SLC37A1: variants seen among roughly 807,000 people sequenced by gnomAD.
The protein encoded by SLC37A1 is solute carrier family 37 member 1.
Under a neutral mutation model 75.3 loss-of-function variants are expected in SLC37A1, and 49 were observed. The observed-to-expected ratio is 0.65, with a 90% CI of 0.52 to 0.83. SLC37A1 has a LOEUF of 0.83. Ranked by LOEUF, SLC37A1 falls within the 40% of genes least tolerant of loss-of-function variation. The pLI is 0.00. For missense variants in SLC37A1, 566 were observed against 695.0 expected (o/e 0.81, Z 2.09); for synonymous variants, 268 against 292.1 (o/e 0.92, Z 0.84).
intron 1 of SLC37A1, among the ~76,000 whole-genome samples, chr21:42,517,096 C>A (rs1317582257): frequency 2.0e-5 from 3 of 152,218 alleles, no homozygotes; most frequent in Non-Finnish European, 4.4e-5. Flanking sequence ...CCCGGGCCTT[C>A]CTCTTTTGAA....
chr21:42,574,027 A>G (rs1219836129), intron 17 of SLC37A1, among the ~76,000 whole-genome samples: 1 of 152,014 alleles, frequency 6.6e-6, no homozygotes, highest in Non-Finnish European at 1.5e-5. Flanking sequence ...GTGTTTTTAC[A>G]CACACACATG....
intron 11 of SLC37A1, 136 bp downstream of exon 11, chr21:42,559,225 A>G: frequency 2.7e-6 from 3 of 1,116,918 alleles, no homozygotes; most frequent in Non-Finnish European, 2.5e-6. Context: ...AGCCAAAGCT[A>G]GACGCTGCAC....
chr21:42,549,548 T>C (rs1276230998), intron 9 of SLC37A1, among the ~76,000 whole-genome samples: 5 of 152,222 alleles, frequency 3.3e-5, no homozygotes, highest in Non-Finnish European at 5.9e-5. Flanking sequence ...ATGGCTGATA[T>C]CTGGGGATAT....
At chr21:42,527,199 T>C (rs2054818399) in intron 3 of SLC37A1, among the ~76,000 whole-genome samples, 1 of 152,172 alleles carries the variant, frequency 6.6e-6, no homozygotes, top group South Asian at 2.1e-4. Flanking sequence ...GGCATCTCCA[T>C]GAAGGCACCA....
intron 18 of SLC37A1, chr21:42,575,481 T>A: frequency 2.0e-6 from 2 of 985,440 alleles, no homozygotes; most frequent in Non-Finnish European, 2.4e-6. Flanking sequence ...TCTGCCCCCT[T>A]TTCTCTGGGC....
In SLC37A1 at chr21:42,563,867, C is replaced by T. The variant is rs747666003; in HGVS notation, c.1125C>T (p.Gly375=). 11 of 1,614,122 alleles carry T rather than the reference C, an allele frequency of 6.8e-6. No homozygotes were observed. Among genetic ancestry groups the T allele is most frequent in the African/African-American group, 2.7e-5 (2 of 75,020 alleles). ...AGELSTLFDV[G]GIFGGILAGV... ...AGCTCTCCACCCTGTTTGACGTGGG[C>T]GGAATCTTTGGTGAGTTCATTAAGA... Residue 375 remains glycine (G), a synonymous_variant, in exon 13 of 20, where the codon GGC becomes GGT. Transcript: ENST00000352133.
intron 13 of SLC37A1, among the ~76,000 whole-genome samples, chr21:42,564,082 C>G (rs531506310): frequency 5.9e-5 from 9 of 152,210 alleles, no homozygotes; most frequent in African/African-American, 1.9e-4. Context: ...ACTTGAACAG[C>G]TTCCCTCAGA....
intron 7 of SLC37A1, 52 bp from the exon 8 acceptor site, chr21:42,543,384 T>G: frequency 1.2e-6 from 2 of 1,610,564 alleles, no homozygotes; most frequent in Non-Finnish European, 8.5e-7. Context: ...ACTGCTGGAC[T>G]CGTTTCAGCT....
At chr21:42,526,091 T>G (rs2054783446) in intron 3 of SLC37A1, 1 of 452,874 alleles carries the variant, frequency 2.2e-6, no homozygotes, top group Non-Finnish European at 3.9e-6. Flanking sequence ...TTAGTTGACA[T>G]TTCCAGAATT....
intron 1 of SLC37A1, among the ~76,000 whole-genome samples, chr21:42,516,230 C>A (rs1439055836): frequency 1.3e-5 from 2 of 152,208 alleles, no homozygotes; most frequent in Admixed American, 1.3e-4. Flanking sequence ...TGATTTGCTC[C>A]CATTCTGCTG....
intron 9 of SLC37A1, among the ~76,000 whole-genome samples, chr21:42,551,272 C>A (rs2055550388): frequency 6.6e-6 from 1 of 152,216 alleles, no homozygotes; most frequent in Non-Finnish European, 1.5e-5. Flanking sequence ...TAGCAGTCAA[C>A]AATCCAAAGA....
intron 8 of SLC37A1, among the ~76,000 whole-genome samples, chr21:42,546,149 G>A (rs1204058736): frequency 6.6e-6 from 1 of 152,180 alleles, no homozygotes; most frequent in Non-Finnish European, 1.5e-5. Context: ...GTAGTCAGAG[G>A]GGGCTGCAGA....
chr21:42,502,977 A>G (rs2054353747), intron 2 of SLC37A1: 1 of 152,210 alleles, frequency 6.6e-6, no homozygotes, highest in African/African-American at 2.4e-5. Flanking sequence ...GATAATAACT[A>G]CTGCCATTTT....
rs569508867 is a variant in SLC37A1 at position 42,522,074 on chromosome 21, G to A, written c.56+3564G>A. On this transcript the variant is annotated intron_variant, in intron 2 of 19. Transcript: ENST00000352133. ...CACCAGTCTCTGCCTGTGTGGCCAC[G>A]TGGCCTCCCTTCCTGTCTCTGAGTC... 3.2e-4 allele frequency among the ~76,000 whole-genome samples: 49 copies of A among 152,298 alleles called. 1 individual carries two copies. The highest frequency in any genetic ancestry group is 1.9e-3 in the South Asian group (9 of 4,824).
At chr21:42,529,864 T>C (rs2054901323) in intron 3 of SLC37A1, among the ~76,000 whole-genome samples, 2 of 152,182 alleles carry the variant, frequency 1.3e-5, no homozygotes, top group Admixed American at 1.3e-4. Context: ...GGAGTTTTCA[T>C]GCGTTCTTGA....
intron 13 of SLC37A1, among the ~76,000 whole-genome samples, 178 bp from the exon 14 acceptor site, chr21:42,564,530 A>G (rs975683011): frequency 1.3e-5 from 2 of 152,190 alleles, no homozygotes; most frequent in Admixed American, 1.3e-4. Flanking sequence ...ACATCTGACC[A>G]CAACCAATGG....
intron 8 of SLC37A1, 150 bp downstream of exon 8, chr21:42,543,752 C>A: frequency 1.4e-6 from 1 of 724,618 alleles, no homozygotes; most frequent in Non-Finnish European, 2.2e-6. Context: ...AGGGAGACTT[C>A]CCCGGGGAGC....
chr21:42,553,615 G>A (rs1322004237), intron 9 of SLC37A1, among the ~76,000 whole-genome samples: 2 of 151,790 alleles, frequency 1.3e-5, no homozygotes, highest in Middle Eastern at 3.5e-3. Context: ...TCTAGCAGCA[G>A]GTCCACATTC....
intron 8 of SLC37A1, 30 bp downstream of exon 8, chr21:42,543,632 A>G (rs556892768): frequency 7.7e-6 from 12 of 1,555,654 alleles, no homozygotes; most frequent in Non-Finnish European, 1.0e-5. Flanking sequence ...GAGACCACCC[A>G]CCAAGGGAGG....
Sources: gnomAD v4.1 joint callset for allele counts (sites outside exome capture counted in the v4.1 genomes callset) on GRCh38, gnomAD v4.1.1 for gene constraint, MANE v1.5 for transcripts, NCBI Gene and HGNC (gene_info 2026-07-23, HGNC 2026-07-21) for gene names.